ZFHX3: variants seen among roughly 807,000 people sequenced by gnomAD.
ZFHX3 encodes zinc finger homeobox 3.
ZFHX3 carries 42 observed loss-of-function variants against 279.1 expected under a neutral mutation model. The ratio of observed to expected loss-of-function variants is 0.15; its 90% CI spans 0.12 to 0.19. The LOEUF is 0.19. Among genes scored for constraint, ZFHX3 ranks in the 10% least tolerant of loss-of-function variants. The pLI, the probability that ZFHX3 is intolerant of heterozygous loss-of-function variation, is 1.00. For missense variants in ZFHX3, 4,981 were observed against 4,754.0 expected (o/e 1.05, Z -1.40); for synonymous variants, 2,293 against 1,957.8 (o/e 1.17, Z -4.52).
At chr16:72,993,714 G>A (rs1254293387) in intron 1 of ZFHX3, among the ~76,000 whole-genome samples, 4 of 152,122 alleles carry the variant, frequency 2.6e-5, no homozygotes, top group African/African-American at 9.7e-5. Context: ...CTGAACTGCT[G>A]TTTGCTCACG....
At chr16:73,734,643 T>A (rs188629186) in intron 1 of ZFHX3, among the ~76,000 whole-genome samples, 8 of 152,192 alleles carry the variant, frequency 5.3e-5, no homozygotes, top group African/African-American at 1.9e-4. Context: ...CACTTAAAAG[T>A]ATGATGGCTT....
intron 2 of ZFHX3, 125 bp downstream of exon 2, chr16:72,957,301 AG>A: frequency 9.0e-7 from 1 of 1,116,014 alleles, no homozygotes; most frequent in Non-Finnish European, 1.3e-6. Context: ...AAGACACTCC[AG>A]TTTACACAAA....
chr16:73,081,256 T>TTTC (rs1491287806), intron 8 of ZFHX3: 1 of 11,664 alleles, frequency 8.6e-5, no homozygotes. Context: ...TCTTTCTTTC[T>TTTC]TTTTTTTTTT....
At chr16:73,528,186 C>A (rs2019728255) in intron 2 of ZFHX3, among the ~76,000 whole-genome samples, 1 of 152,180 alleles carries the variant, frequency 6.6e-6, no homozygotes, top group Non-Finnish European at 1.5e-5. Context: ...AAATTCGATG[C>A]ATTATCACTG....
intron 3 of ZFHX3, among the ~76,000 whole-genome samples, chr16:73,445,410 A>G (rs2018169917): frequency 6.6e-6 from 1 of 152,028 alleles, no homozygotes; most frequent in Non-Finnish European, 1.5e-5. Flanking sequence ...GCCTCCCAAG[A>G]TATTTCCCCT....
intron 4 of ZFHX3, among the ~76,000 whole-genome samples, chr16:73,311,275 C>T (rs993469768): frequency 2.6e-5 from 4 of 151,410 alleles, no homozygotes; most frequent in Admixed American, 2.0e-4. Context: ...CACAAACAAA[C>T]ACCCCAAGAC....
At chr16:73,312,117 A>G (rs549360036) in intron 4 of ZFHX3, among the ~76,000 whole-genome samples, 1 of 152,290 alleles carries the variant, frequency 6.6e-6, no homozygotes, top group African/African-American at 2.4e-5. Flanking sequence ...CAACCAAAAT[A>G]AGGAGCTTGA....
intron 2 of ZFHX3, among the ~76,000 whole-genome samples, chr16:73,495,221 T>C (rs1453961443): frequency 6.6e-6 from 1 of 152,152 alleles, no homozygotes; most frequent in Non-Finnish European, 1.5e-5. Flanking sequence ...TTTCAGTCAG[T>C]TTTCAAATGT....
intron 4 of ZFHX3, among the ~76,000 whole-genome samples, chr16:72,833,039 G>A (rs2037102436): frequency 6.6e-6 from 1 of 152,230 alleles, no homozygotes; most frequent in Non-Finnish European, 1.5e-5. Flanking sequence ...GATGCAAACT[G>A]AAAATTTGTC....
At chr16:73,385,127 G>A (rs573319403) in intron 3 of ZFHX3, among the ~76,000 whole-genome samples, 1 of 152,176 alleles carries the variant, frequency 6.6e-6, no homozygotes, top group Admixed American at 6.5e-5. Flanking sequence ...ACACAAAGGA[G>A]AAGAAACTTG....
At chr16:73,152,945 C>T (rs1243191766) in intron 5 of ZFHX3, among the ~76,000 whole-genome samples, 1 of 151,948 alleles carries the variant, frequency 6.6e-6, no homozygotes, top group Non-Finnish European at 1.5e-5. Context: ...CAGGCTGAGC[C>T]GGGTCACAAG....
At chr16:73,845,921 G>A (rs1961438293) in intron 1 of ZFHX3, among the ~76,000 whole-genome samples, 1 of 152,104 alleles carries the variant, frequency 6.6e-6, no homozygotes, top group Non-Finnish European at 1.5e-5. Context: ...CTCAAGAGGA[G>A]TAGCTACTCA....
At chr16:73,053,595 G>A (rs4788697) in intron 1 of ZFHX3, among the ~76,000 whole-genome samples, 60,454 of 151,904 alleles carry the variant, frequency 0.4, 13,087 homozygotes, top group East Asian at 0.66. Context: ...GAATCACTGC[G>A]TGCCATGAAA....
At chr16:73,856,759 G>A (rs1961739251) in intron 1 of ZFHX3, among the ~76,000 whole-genome samples, 1 of 152,170 alleles carries the variant, frequency 6.6e-6, no homozygotes, top group Non-Finnish European at 1.5e-5. Context: ...ATCTTGACCA[G>A]CCTGCCCTCT....
chr16:73,641,940 G>T (rs1473204919), intron 2 of ZFHX3, among the ~76,000 whole-genome samples: 1 of 152,068 alleles, frequency 6.6e-6, no homozygotes, highest in Admixed American at 6.6e-5. Flanking sequence ...AACGAGATAG[G>T]TGACGCGAGC....
chr16:73,536,548 A>G (rs151324454), intron 2 of ZFHX3, among the ~76,000 whole-genome samples: 69 of 152,354 alleles, frequency 4.5e-4, no homozygotes, highest in African/African-American at 1.6e-3. Context: ...ATTGTAACCT[A>G]AGTCAAAGTA....
intron 2 of ZFHX3, among the ~76,000 whole-genome samples, chr16:73,589,733 CAAAAAAAAAAAAAAAAAA>C (rs59777135): frequency 0.011 from 316 of 29,580 alleles, 2 homozygotes; most frequent in Admixed American, 0.017. Context: ...GACTCCGTCT[CAAAAAAAAAAAAAAAAAA>C]AAAAAAAAAA....
At chr16:72,994,302 A>G (rs1963199600) in intron 1 of ZFHX3, among the ~76,000 whole-genome samples, 1 of 152,248 alleles carries the variant, frequency 6.6e-6, no homozygotes, top group African/African-American at 2.4e-5. Context: ...ATTCACTTAG[A>G]CATGCAAGTC....
chr16:73,790,457 G>A (rs2142313997), intron 1 of ZFHX3, among the ~76,000 whole-genome samples: 1 of 152,218 alleles, frequency 6.6e-6, no homozygotes, highest in East Asian at 1.9e-4. Flanking sequence ...TGAAAAGGTG[G>A]ATGCTTATGA....
Sources: gnomAD v4.1 joint callset for allele counts (sites outside exome capture counted in the v4.1 genomes callset) on GRCh38, gnomAD v4.1.1 for gene constraint, MANE v1.5 for transcripts, NCBI Gene and HGNC (gene_info 2026-07-23, HGNC 2026-07-21) for gene names.